GPHN: variants seen among roughly 807,000 people sequenced by gnomAD.
The protein encoded by GPHN is gephyrin.
GPHN carries 17 observed loss-of-function variants against 95.5 expected under a neutral mutation model. That is an observed-to-expected ratio of 0.18 (90% CI 0.12 to 0.27). GPHN has a LOEUF of 0.27. GPHN is among the 10% of genes least tolerant of loss of function. The pLI, the probability that GPHN is intolerant of heterozygous loss-of-function variation, is 1.00. For missense variants in GPHN, 660 were observed against 978.1 expected (o/e 0.67, Z 4.34); for synonymous variants, 320 against 322.5 (o/e 0.99, Z 0.08).
the GPHN span, among the ~76,000 whole-genome samples, chr14:67,635,283 G>A: frequency 1.3e-5 from 2 of 152,264 alleles, no homozygotes; most frequent in Admixed American, 1.3e-4. Context: ...CAGTCTTTGG[G>A]AGTTAAATGC....
the GPHN span, among the ~76,000 whole-genome samples, chr14:67,228,896 T>TA: frequency 0.012 from 1,757 of 152,150 alleles, 37 homozygotes; most frequent in African/African-American, 0.039. Flanking sequence ...TCAAACAGGT[T>TA]AAAAAAAATC....
chr14:67,340,418 A>G, the GPHN span: 1 of 1,604,056 alleles, frequency 6.2e-7, no homozygotes, highest in Non-Finnish European at 8.5e-7. Flanking sequence ...AAGATGATCA[A>G]TAACTGCCAA....
the GPHN span, chr14:67,578,451 T>C: frequency 1.9e-6 from 2 of 1,029,434 alleles, no homozygotes; most frequent in Non-Finnish European, 1.5e-6. The surrounding 1 kb of genome is among the most constrained non-coding windows in gnomAD (Gnocchi z 5.0). Context: ...GAAAGAGTGC[T>C]GAAGGCTCTG....
chr14:67,151,491 A>G (rs992721181), intron 18 of GPHN, among the ~76,000 whole-genome samples: 6 of 152,278 alleles, frequency 3.9e-5, no homozygotes, highest in Non-Finnish European at 8.8e-5. Flanking sequence ...CACAAGGGGC[A>G]ATACCTTATT....
chr14:67,344,698 G>C, the GPHN span, among the ~76,000 whole-genome samples: 1 of 151,802 alleles, frequency 6.6e-6, no homozygotes, highest in Non-Finnish European at 1.5e-5. Context: ...GGGCAACGTA[G>C]CAAGACCTCA....
the GPHN span, chr14:67,340,578 A>C: frequency 7.3e-7 from 1 of 1,362,874 alleles, no homozygotes; most frequent in South Asian, 1.2e-5. Context: ...TCAAATTATC[A>C]GTGCTCATTT....
the GPHN span, chr14:67,395,320 GCCC>G: frequency 4.1e-6 from 5 of 1,230,646 alleles, no homozygotes; most frequent in Non-Finnish European, 5.8e-6. Flanking sequence ...CAAGCACAGA[GCCC>G]CCCCAAGGGG....
intron 2 of GPHN, among the ~76,000 whole-genome samples, chr14:66,764,951 C>T (rs893859729): frequency 6.6e-6 from 1 of 151,984 alleles, no homozygotes; most frequent in South Asian, 2.1e-4. Context: ...AGCATGTATG[C>T]ACTTAGTTGC....
the GPHN span, chr14:67,376,471 G>A: frequency 1.2e-6 from 2 of 1,613,788 alleles, no homozygotes; most frequent in Non-Finnish European, 8.5e-7. Context: ...TTGCTGAGGT[G>A]TTAGAATACA....
chr14:67,338,902 AATTT>A, the GPHN span: 138 of 663,424 alleles, frequency 2.1e-4, no homozygotes, highest in Admixed American at 2.8e-4. Flanking sequence ...CATTTTCAGT[AATTT>A]ATTTATAATC....
chr14:66,763,973 C>T (rs76785407), intron 2 of GPHN, among the ~76,000 whole-genome samples: 6 of 152,200 alleles, frequency 3.9e-5, no homozygotes, highest in East Asian at 1.9e-4. Flanking sequence ...AGATCTGCCA[C>T]TGTCTCCCAT....
chr14:67,554,468 G>A, the GPHN span, among the ~76,000 whole-genome samples: 7 of 152,196 alleles, frequency 4.6e-5, no homozygotes, highest in African/African-American at 7.2e-5. Context: ...GGGATGCAAC[G>A]CCTCTGGGAC....
At chr14:67,273,767 C>T in the GPHN span, among the ~76,000 whole-genome samples, 2 of 152,224 alleles carry the variant, frequency 1.3e-5, no homozygotes, top group Non-Finnish European at 2.9e-5. Context: ...TGTTTCTCCA[C>T]ATCCTCTCCG....
At chr14:67,283,776 A>G in the GPHN span, among the ~76,000 whole-genome samples, 1 of 152,226 alleles carries the variant, frequency 6.6e-6, no homozygotes, top group Admixed American at 6.5e-5. Context: ...TTTATTAAAT[A>G]CACATAATTC....
chr14:66,587,235 A>G (rs1195192075), intron 1 of GPHN, among the ~76,000 whole-genome samples: 2 of 152,212 alleles, frequency 1.3e-5, no homozygotes, highest in Non-Finnish European at 2.9e-5. Flanking sequence ...TAAGTCAATA[A>G]TAAAAAATAG....
At chr14:67,223,742 T>C in the GPHN span, 1 of 984,658 alleles carries the variant, frequency 1.0e-6, no homozygotes, top group Non-Finnish European at 1.2e-6. Flanking sequence ...TCCCACTTTT[T>C]TCTTACTTAG....
the GPHN span, among the ~76,000 whole-genome samples, chr14:67,685,822 G>GC: frequency 6.6e-6 from 1 of 151,568 alleles, no homozygotes; most frequent in Admixed American, 6.6e-5. Flanking sequence ...CATCATGTTG[G>GC]CCAGACTGGT....
chr14:67,654,951 C>T, the GPHN span, among the ~76,000 whole-genome samples: 1 of 146,284 alleles, frequency 6.8e-6, no homozygotes, highest in South Asian at 2.2e-4. Context: ...ATGGCATGAA[C>T]CTGGGAGGCG....
At chr14:67,379,889 C>T in the GPHN span, among the ~76,000 whole-genome samples, 1 of 151,724 alleles carries the variant, frequency 6.6e-6, no homozygotes, top group African/African-American at 2.4e-5. Context: ...CTCCTGACCT[C>T]GTGATCCGCC....
Sources: gnomAD v4.1 joint callset for allele counts (sites outside exome capture counted in the v4.1 genomes callset) on GRCh38, gnomAD v4.1.1 for gene constraint, Gnocchi (gnomAD v3.1) non-coding constraint, MANE v1.5 for transcripts, NCBI Gene and HGNC (gene_info 2026-07-23, HGNC 2026-07-21) for gene names.